Variants in TLE3 observed in about 807,000 individuals in gnomAD.
The protein encoded by TLE3 is transducin-like enhancer protein 3.
TLE3 carries 14 observed loss-of-function variants against 93.0 expected under a neutral mutation model. The observed-to-expected ratio is 0.15, with a 90% CI of 0.10 to 0.24. The LOEUF (loss-of-function observed/expected upper bound fraction) is 0.24. Among genes scored for constraint, TLE3 ranks in the 10% least tolerant of loss-of-function variants. The probability of loss-of-function intolerance (pLI) is 1.00; values close to 1 mark genes in which losing one functional copy is unlikely to be tolerated. For missense variants in TLE3, 693 were observed against 1,046.6 expected (o/e 0.66, Z 4.66); for synonymous variants, 451 against 425.0 (o/e 1.06, Z -0.75).
At chr15:70,077,121 T>G (rs2057485666) in intron 4 of TLE3, among the ~76,000 whole-genome samples, 1 of 152,212 alleles carries the variant, frequency 6.6e-6, no homozygotes, top group South Asian at 2.1e-4. Context: ...CTTAGAAAGG[T>G]AGATCAATTC....
intron 10 of TLE3, 76 bp downstream of exon 10, chr15:70,059,334 T>C (rs1221501758): frequency 6.6e-6 from 10 of 1,516,582 alleles, no homozygotes; most frequent in South Asian, 1.2e-5. Context: ...ACAGACAGAA[T>C]AGATCCCACC....
At chr15:70,070,969 C>A (rs1254841691) in intron 6 of TLE3, among the ~76,000 whole-genome samples, 1 of 152,174 alleles carries the variant, frequency 6.6e-6, no homozygotes, top group Non-Finnish European at 1.5e-5. Flanking sequence ...TGTGACATCT[C>A]CCCTACTGTT....
intron 4 of TLE3, among the ~76,000 whole-genome samples, chr15:70,091,845 T>TA (rs371158445): frequency 6.6e-6 from 1 of 151,966 alleles, no homozygotes; most frequent in African/African-American, 2.4e-5. Flanking sequence ...GGAGAGCTTT[T>TA]AAAAAAAATA....
chr15:70,092,010 T>C (rs571579995), intron 4 of TLE3, among the ~76,000 whole-genome samples: 65 of 150,520 alleles, frequency 4.3e-4, no homozygotes, highest in Non-Finnish European at 1.5e-5. Flanking sequence ...CCAGCCTGTT[T>C]GTTCCAGGCA....
At position 70,049,926 on chromosome 15, in the gene TLE3, G is replaced by A; in HGVS notation, c.*171C>T. 1 of 596,348 alleles carries A rather than the reference G, an allele frequency of 1.7e-6. No homozygotes were observed. The highest frequency in any genetic ancestry group is 3.0e-6 in the Non-Finnish European group (1 of 332,494). 36.9% of individuals were successfully genotyped at this position (596,348 alleles called of 1,614,324 possible). A position where few individuals can be genotyped will look rare whatever the true frequency, so the allele number is the denominator to read the frequency against. On this transcript the variant is annotated 3_prime_UTR_variant, in exon 20 of 20. Transcript: ENST00000451782. ...GAGACACATCAATCCAGGCCCAGGA[G>A]TCCAGACTGTGACGGGGCACGTGCC...
chr15:70,068,479 G>A (rs776126258), intron 6 of TLE3, among the ~76,000 whole-genome samples: 8 of 152,168 alleles, frequency 5.3e-5, no homozygotes, highest in Admixed American at 6.5e-5. Context: ...TGGTAGGCCC[G>A]TTAATTCTGC....
chr15:70,059,858 C>T (rs919372037), intron 9 of TLE3, among the ~76,000 whole-genome samples: 2 of 152,332 alleles, frequency 1.3e-5, no homozygotes, highest in East Asian at 3.9e-4. Context: ...CATTCCCACC[C>T]ATCTGTGTGG....
intron 4 of TLE3, among the ~76,000 whole-genome samples, chr15:70,088,225 T>G (rs562741797): frequency 6.6e-6 from 1 of 152,150 alleles, no homozygotes; most frequent in African/African-American, 2.4e-5. Flanking sequence ...CATTACCTCC[T>G]TGAGAAACGC....
At chr15:70,075,444 T>C (rs1005559898) in intron 5 of TLE3, among the ~76,000 whole-genome samples, 1 of 152,218 alleles carries the variant, frequency 6.6e-6, no homozygotes, top group African/African-American at 2.4e-5. Flanking sequence ...ATCTGATTCT[T>C]ATATATTAAT....
Position 70,087,732 on chromosome 15 carries a change from T to C in TLE3, c.234+6800A>G, listed in dbSNP as rs149029243. Reference sequence around the variant, plus strand: ...TCAGGCCCCACAGATGGGAAGTTGCTTCTCTCTTCTCCCTTCACAGGACAC... The same window carrying C: ...TCAGGCCCCACAGATGGGAAGTTGCCTCTCTCTTCTCCCTTCACAGGACAC... On this transcript the variant is annotated intron_variant, in intron 4 of 19. Coordinates refer to ENST00000451782, the MANE Select transcript of TLE3 (RefSeq NM_001105192.3). Among the ~76,000 whole-genome samples the C allele has an allele frequency of 3.4e-3, 525 of 152,364 alleles. 1 individual carries two copies. Among genetic ancestry groups the C allele is most frequent in the South Asian group, 0.028 (137 of 4,828 alleles).
At chr15:70,068,971 T>A (rs2056981475) in intron 6 of TLE3, among the ~76,000 whole-genome samples, 1 of 152,212 alleles carries the variant, frequency 6.6e-6, no homozygotes, top group African/African-American at 2.4e-5. Flanking sequence ...TCAGCCGACC[T>A]CTCTGTGTTG....
At chr15:70,060,845 C>A in intron 8 of TLE3, 196 bp from the exon 9 acceptor site, 1 of 788,960 alleles carries the variant, frequency 1.3e-6, no homozygotes, top group Non-Finnish European at 2.1e-6. Context: ...ACTGAGTCCC[C>A]GGGGAGATGC....
intron 4 of TLE3, among the ~76,000 whole-genome samples, chr15:70,082,261 A>G (rs1176913940): frequency 6.6e-6 from 1 of 152,190 alleles, no homozygotes; most frequent in Admixed American, 6.5e-5. Flanking sequence ...GTTTCTCCTT[A>G]GGCCGAGCTC....
intron 4 of TLE3, among the ~76,000 whole-genome samples, chr15:70,093,003 A>G (rs914606112): frequency 2.0e-5 from 3 of 152,280 alleles, no homozygotes; most frequent in Admixed American, 6.5e-5. Flanking sequence ...GGCACCCTGC[A>G]TACACCCCAA....
chr15:70,056,068 G>A (rs2055993405), intron 14 of TLE3: 8 of 605,132 alleles, frequency 1.3e-5, no homozygotes, highest in Admixed American at 2.6e-5. Context: ...TAACTCCATG[G>A]CTCCTCTGTC....
In TLE3 at chr15:70,091,421, C is replaced by T. The variant is rs1164162870; in HGVS notation, c.234+3111G>A. 2.0e-5 allele frequency among the ~76,000 whole-genome samples: 3 copies of T among 152,328 alleles called. No homozygotes were observed. In the East Asian group the frequency reaches 5.8e-4, roughly 29 times the overall value. The stretch of plus-strand genomic sequence containing the variant: ...TTATTTGTGGCTGACACTGGAAAGC[C>T]TCTGCACAAACAAGATGGCAAGTGA... On this transcript the variant is annotated intron_variant, in intron 4 of 19. Coordinates refer to ENST00000451782, the MANE Select transcript of TLE3 (RefSeq NM_001105192.3).
intron 4 of TLE3, among the ~76,000 whole-genome samples, chr15:70,084,012 G>A (rs1010384892): frequency 6.6e-6 from 1 of 152,158 alleles, no homozygotes; most frequent in African/African-American, 2.4e-5. Flanking sequence ...CATTTCTTAG[G>A]CTATAAAAAT....
intron 4 of TLE3, among the ~76,000 whole-genome samples, chr15:70,081,528 C>T (rs969328103): frequency 2.6e-5 from 4 of 152,232 alleles, no homozygotes; most frequent in African/African-American, 9.6e-5. Flanking sequence ...TTCTAAGTGT[C>T]AAGCCCCTAC....
At position 70,058,518 on chromosome 15, in the gene TLE3, C is replaced by T. The variant is rs547740168; in HGVS notation, c.918+145G>A. The T allele has an allele frequency of 7.5e-7, 1 of 1,329,526 alleles. No homozygotes were observed. Among genetic ancestry groups the T allele is most frequent in the African/African-American group, 1.5e-5 (1 of 67,464 alleles). 82.4% of individuals were successfully genotyped at this position (1,329,526 alleles called of 1,614,324 possible). A position where few individuals can be genotyped will look rare whatever the true frequency, so the allele number is the denominator to read the frequency against. On this transcript the variant is annotated intron_variant, in intron 11 of 19. Coordinates refer to ENST00000451782, the MANE Select transcript of TLE3 (RefSeq NM_001105192.3). This position sits in a 1 kb window ranked among gnomAD's most constrained non-coding sequence, Gnocchi z 4.1. ...GCTCAGAAACGTTAACTCATTAGCA[C>T]AGGCCCAGCAGGCACAGAAGGTAAA...
Sources: allele counts gnomAD v4.1 joint callset (sites outside exome capture counted in the v4.1 genomes callset), GRCh38; gene constraint gnomAD v4.1.1; non-coding constraint Gnocchi (gnomAD v3.1); transcripts MANE v1.5; gene names NCBI Gene and HGNC (gene_info 2026-07-23, HGNC 2026-07-21).